The following RBFOX1 variants were observed in gnomAD, a reference collection of about 807,000 sequenced individuals.
RBFOX1 encodes the protein RNA binding protein fox-1 homolog 1.
Under a neutral mutation model 57.7 loss-of-function variants are expected in RBFOX1, and 8 were observed. The observed-to-expected ratio is 0.14, with a 90% CI of 0.08 to 0.25. The LOEUF is 0.25. Among genes scored for constraint, RBFOX1 ranks in the 10% least tolerant of loss-of-function variants. RBFOX1 has a pLI of 1.00. For synonymous variants in RBFOX1, 326 were observed against 222.4 expected, an observed-to-expected ratio of 1.47 and a Z score of -4.15; for missense variants, 611 against 548.5, an observed-to-expected ratio of 1.11 and a Z score of -1.14.
chr16:7,364,091 C>G (rs756542592), intron 4 of RBFOX1, among the ~76,000 whole-genome samples: 5 of 152,182 alleles, frequency 3.3e-5, no homozygotes, highest in Non-Finnish European at 5.9e-5. Context: ...CACATCTTTT[C>G]AAAGCATTTT....
chr16:6,900,731 C>G lies in RBFOX1; in HGVS notation c.-15-151326C>G, dbSNP rs13333405. Among the ~76,000 whole-genome samples, 746 of 152,294 alleles carry G rather than the reference C, an allele frequency of 4.9e-3. 5 individuals carry two copies. Among genetic ancestry groups the G allele is most frequent in the African/African-American group, 0.017 (723 of 41,550 alleles). On this transcript the variant is annotated intron_variant, in intron 3 of 15. Transcript: ENST00000550418. ...GCTTTCTCCATGATGCCGTTCCTAT[C>G]TTTCGTCTAAACTGGGATCTTCTGT...
intron 3 of RBFOX1, among the ~76,000 whole-genome samples, chr16:5,751,047 TG>T (rs2151619253): frequency 6.6e-6 from 1 of 152,298 alleles, no homozygotes; most frequent in East Asian, 1.9e-4. Flanking sequence ...TTCACCATGT[TG>T]ACTGGGCTGG....
At chr16:5,964,751 G>T (rs984655860) in intron 4 of RBFOX1, among the ~76,000 whole-genome samples, 5 of 151,762 alleles carry the variant, frequency 3.3e-5, no homozygotes, top group African/African-American at 1.2e-4. Context: ...GGTTATGTGT[G>T]TGTATATGTA....
chr16:5,285,345 G>A (rs1469934531), intron 1 of RBFOX1, among the ~76,000 whole-genome samples: 1 of 147,198 alleles, frequency 6.8e-6, no homozygotes, highest in Non-Finnish European at 1.5e-5. Context: ...TTCTCATTCA[G>A]ATCATGAATT....
intron 1 of RBFOX1, among the ~76,000 whole-genome samples, chr16:6,117,724 T>C (rs2096512015): frequency 6.6e-6 from 1 of 152,232 alleles, no homozygotes; most frequent in Non-Finnish European, 1.5e-5. Context: ...TCTTTATAAA[T>C]TGCCCATTCT....
chr16:6,976,924 A>G (rs1246474263), intron 3 of RBFOX1, among the ~76,000 whole-genome samples: 2 of 144,416 alleles, frequency 1.4e-5, no homozygotes, highest in East Asian at 2.0e-4. Flanking sequence ...CATATATTGT[A>G]TATTATATAT....
intron 2 of RBFOX1, among the ~76,000 whole-genome samples, chr16:6,439,414 C>G (rs1326836112): frequency 1.3e-5 from 2 of 152,178 alleles, no homozygotes; most frequent in East Asian, 3.9e-4. Flanking sequence ...GGCTCTTACC[C>G]CGGGCTGTGC....
chr16:6,632,133 C>A (rs1054761688), intron 2 of RBFOX1, among the ~76,000 whole-genome samples: 3 of 152,100 alleles, frequency 2.0e-5, no homozygotes, highest in African/African-American at 7.2e-5. Context: ...GTGTCCTGGA[C>A]ACAGTTACTG....
At chr16:6,832,260 C>A (rs536653588) in intron 3 of RBFOX1, among the ~76,000 whole-genome samples, 15 of 152,164 alleles carry the variant, frequency 9.9e-5, no homozygotes, top group African/African-American at 3.4e-4. Context: ...TGGGATTTAT[C>A]TTGAAAAGAG....
intron 3 of RBFOX1, among the ~76,000 whole-genome samples, chr16:6,910,546 C>A (rs541671808): frequency 6.6e-6 from 1 of 152,276 alleles, no homozygotes; most frequent in South Asian, 2.1e-4. Flanking sequence ...GGTCAGAAGT[C>A]CAAAACGGCC....
chr16:7,517,492 A>C (rs1006877343), intron 4 of RBFOX1, among the ~76,000 whole-genome samples: 1 of 151,748 alleles, frequency 6.6e-6, no homozygotes, highest in Non-Finnish European at 1.5e-5. Context: ...TAGGCCCTGA[A>C]TTTGTATCAG....
At chr16:7,239,354 C>G (rs1567846581) in intron 4 of RBFOX1, among the ~76,000 whole-genome samples, 1 of 152,040 alleles carries the variant, frequency 6.6e-6, no homozygotes, top group Non-Finnish European at 1.5e-5. Context: ...CAAAAATTAG[C>G]CAGGCGTGGT....
At chr16:7,359,238 T>A (rs1596386776) in intron 4 of RBFOX1, among the ~76,000 whole-genome samples, 1 of 152,190 alleles carries the variant, frequency 6.6e-6, no homozygotes, top group African/African-American at 2.4e-5. Context: ...GAGGGACGAT[T>A]ATGAGAAGGA....
intron 4 of RBFOX1, among the ~76,000 whole-genome samples, chr16:7,417,037 T>C (rs2098484728): frequency 6.6e-6 from 1 of 152,062 alleles, no homozygotes; most frequent in African/African-American, 2.4e-5. Flanking sequence ...TTTTTTTAAA[T>C]GATTGAGTTC....
intron 4 of RBFOX1, among the ~76,000 whole-genome samples, chr16:7,286,528 C>T (rs1465867250): frequency 1.3e-5 from 2 of 149,290 alleles, no homozygotes; most frequent in Non-Finnish European, 3.0e-5. Flanking sequence ...CAGCTCACTG[C>T]AGCCTCCCCT....
chr16:5,978,674 G>GT (rs752424868), intron 4 of RBFOX1, among the ~76,000 whole-genome samples: 7 of 143,922 alleles, frequency 4.9e-5, no homozygotes, highest in African/African-American at 7.8e-5. Context: ...TTGTTTTTTT[G>GT]TTTGTTTTTT....
chr16:6,722,574 G>C (rs978228873), intron 3 of RBFOX1, among the ~76,000 whole-genome samples: 1 of 152,104 alleles, frequency 6.6e-6, no homozygotes. Flanking sequence ...ATATTAATGA[G>C]AACCTACAGA....
intron 4 of RBFOX1, among the ~76,000 whole-genome samples, chr16:7,203,742 C>T (rs542526464): frequency 2.0e-5 from 3 of 152,166 alleles, no homozygotes; most frequent in Non-Finnish European, 4.4e-5. Flanking sequence ...CAAATATCTG[C>T]TTGGTTAGTG....
At chr16:6,200,890 T>C (rs1191805602) in intron 1 of RBFOX1, among the ~76,000 whole-genome samples, 1 of 152,062 alleles carries the variant, frequency 6.6e-6, no homozygotes, top group East Asian at 1.9e-4. Flanking sequence ...TGTATTTGTG[T>C]ATTTTTATGC....
Sources: gnomAD v4.1 joint callset for allele counts (sites outside exome capture counted in the v4.1 genomes callset) on GRCh38, gnomAD v4.1.1 for gene constraint, MANE v1.5 for transcripts, NCBI Gene and HGNC (gene_info 2026-07-23, HGNC 2026-07-21) for gene names.